The following PRKAR1B variants were observed in gnomAD, a reference collection of about 807,000 sequenced individuals.
PRKAR1B encodes cAMP-dependent protein kinase type I-beta regulatory subunit.
Under a neutral mutation model 46.5 loss-of-function variants are expected in PRKAR1B, and 22 were observed. That is an observed-to-expected ratio of 0.47 (90% CI 0.34 to 0.68). PRKAR1B has a LOEUF of 0.68. Ranked by LOEUF, PRKAR1B falls within the 30% of genes least tolerant of loss-of-function variation. The pLI is 0.01. For synonymous variants in PRKAR1B, 259 were observed against 217.7 expected (o/e 1.19, Z -1.67); for missense variants, 445 against 535.6 (o/e 0.83, Z 1.67).
intron 4 of PRKAR1B, among the ~76,000 whole-genome samples, chr7:649,167 A>ATAAATAAATAAG (rs1562588333): frequency 2.6e-5 from 4 of 152,210 alleles, no homozygotes; most frequent in Non-Finnish European, 5.9e-5. Context: ...CCGTCTCAAA[A>ATAAATAAATAAG]TAAATAAATA....
At chr7:718,228 G>T (rs1026347891) in intron 1 of PRKAR1B, among the ~76,000 whole-genome samples, 1 of 149,570 alleles carries the variant, frequency 6.7e-6, no homozygotes, top group Non-Finnish European at 1.5e-5. Context: ...GCCGGCCCCA[G>T]GCCTTCACTG....
chr7:603,836 T>G (rs1471048150), intron 6 of PRKAR1B, among the ~76,000 whole-genome samples: 49 of 67,606 alleles, frequency 7.2e-4, no homozygotes, highest in Admixed American at 1.4e-3. Flanking sequence ...GGGGAGGAGG[T>G]GACATGGTGA....
Position 637,270 on chromosome 7 carries a change from T to A in PRKAR1B, c.441-29818A>T, listed in dbSNP as rs565803201. On this transcript the variant is annotated intron_variant, in intron 4 of 10. Coordinates refer to ENST00000537384, the MANE Select transcript of PRKAR1B (RefSeq NM_001164760.2). ...CCGTCTCTAACTAAAAATACAAAAATTAGCTGGGCATGGTGGCGCACCTGT... is the reference window on the plus strand; with the variant it reads ...CCGTCTCTAACTAAAAATACAAAAAATAGCTGGGCATGGTGGCGCACCTGT... 1.3e-4 allele frequency among the ~76,000 whole-genome samples: 19 copies of A among 151,718 alleles called. 1 individual carries two copies. In the South Asian group the frequency reaches 4.0e-3, roughly 32 times the overall value.
intron 4 of PRKAR1B, among the ~76,000 whole-genome samples, chr7:674,430 G>A (rs1025073297): frequency 2.7e-5 from 4 of 150,596 alleles, no homozygotes; most frequent in Middle Eastern, 3.2e-3. Flanking sequence ...AGCTACTCTA[G>A]CCACACCCAG....
chr7:584,018 C>T (rs1299366362), intron 8 of PRKAR1B, among the ~76,000 whole-genome samples: 2 of 152,194 alleles, frequency 1.3e-5, no homozygotes, highest in Admixed American at 6.5e-5. Flanking sequence ...CCCAGCCTGC[C>T]GTTATCCTTC....
intron 4 of PRKAR1B, among the ~76,000 whole-genome samples, chr7:618,425 A>G (rs1297283437): frequency 6.6e-6 from 1 of 152,164 alleles, no homozygotes; most frequent in African/African-American, 2.4e-5. Context: ...GGCAATTGCT[A>G]TAAGATACTT....
At chr7:690,660 C>T (rs1357613531) in intron 2 of PRKAR1B, among the ~76,000 whole-genome samples, 1 of 152,142 alleles carries the variant, frequency 6.6e-6, no homozygotes, top group Admixed American at 6.5e-5. Flanking sequence ...ATAAATACCA[C>T]TAAAACCACC....
intron 4 of PRKAR1B, among the ~76,000 whole-genome samples, chr7:675,044 C>T (rs1786499461): frequency 6.6e-6 from 1 of 152,224 alleles, no homozygotes; most frequent in Non-Finnish European, 1.5e-5. Context: ...ACAGGCCAAT[C>T]TCTGACCCAG....
At chr7:619,665 C>T (rs997749860) in intron 4 of PRKAR1B, among the ~76,000 whole-genome samples, 22 of 152,374 alleles carry the variant, frequency 1.4e-4, no homozygotes, top group African/African-American at 3.6e-4. Context: ...CTCGGCCCCA[C>T]GCCATTGTTC....
At chr7:591,702 G>A (rs1226505244) in intron 7 of PRKAR1B, among the ~76,000 whole-genome samples, 4 of 152,124 alleles carry the variant, frequency 2.6e-5, no homozygotes, top group African/African-American at 9.7e-5. Flanking sequence ...GAAAAAAAAA[G>A]GAAAAGAAAA....
intron 2 of PRKAR1B, among the ~76,000 whole-genome samples, chr7:690,900 G>A (rs559575174): frequency 2.6e-4 from 40 of 152,380 alleles, no homozygotes; most frequent in Middle Eastern, 3.4e-3. Flanking sequence ...GGGCCTGGCG[G>A]CTGGTGTCTC....
intron 5 of PRKAR1B, among the ~76,000 whole-genome samples, chr7:606,654 G>C (rs1230651234): frequency 6.6e-6 from 1 of 151,850 alleles, no homozygotes; most frequent in African/African-American, 2.4e-5. Flanking sequence ...CACCATGTTG[G>C]CCAGGCTGGT....
intron 6 of PRKAR1B, 51 bp downstream of exon 6, chr7:606,142 C>A (rs982425203): frequency 1.3e-6 from 2 of 1,585,710 alleles, no homozygotes; most frequent in Non-Finnish European, 8.7e-7. Flanking sequence ...AGTCTTCACA[C>A]CGGACATGCA....
Position 714,069 on chromosome 7 carries a change from G to T in PRKAR1B, c.-22-2542C>A, listed in dbSNP as rs534926105. Reference sequence around the variant, plus strand: ...CCAGCAGTACCATCACGTGCTCCCCGCGGCCCCTCCACTCCCTCCTCCTCC... The same window carrying T: ...CCAGCAGTACCATCACGTGCTCCCCTCGGCCCCTCCACTCCCTCCTCCTCC... On this transcript the variant is annotated intron_variant, in intron 1 of 10. Transcript: ENST00000537384. The surrounding 1 kb of genome is among the most constrained non-coding windows in gnomAD (Gnocchi z 4.3). 1.3e-5 allele frequency among the ~76,000 whole-genome samples: 2 copies of T among 152,204 alleles called. No individual in the cohort carries two copies. The highest frequency in any genetic ancestry group is 4.8e-5 in the African/African-American group (2 of 41,530).
intron 9 of PRKAR1B, chr7:578,795 C>T: frequency 4.2e-6 from 1 of 238,028 alleles, no homozygotes; most frequent in South Asian, 4.8e-5. Flanking sequence ...GATTCTCCTG[C>T]TTCAGCCTCC....
At chr7:657,503 G>A (rs563118418) in intron 4 of PRKAR1B, among the ~76,000 whole-genome samples, 3 of 152,306 alleles carry the variant, frequency 2.0e-5, no homozygotes, top group South Asian at 2.1e-4. Context: ...AGAGGACTTC[G>A]TGTCTCTGGT....
At chr7:579,203 G>A in intron 9 of PRKAR1B, 53 bp downstream of exon 9, 1 of 1,612,824 alleles carries the variant, frequency 6.2e-7, no homozygotes, top group Non-Finnish European at 8.5e-7. Flanking sequence ...AAGGTAAGAA[G>A]TGCCCCTGCC....
intron 4 of PRKAR1B, among the ~76,000 whole-genome samples, chr7:608,713 C>T (rs1416439024): frequency 1.5e-4 from 18 of 117,758 alleles, no homozygotes; most frequent in Admixed American, 1.6e-4. Context: ...CCACCGTCCT[C>T]CCACCTGGGG....
At chr7:683,360 A>T (rs1778809160) in intron 2 of PRKAR1B, among the ~76,000 whole-genome samples, 1 of 152,170 alleles carries the variant, frequency 6.6e-6, no homozygotes, top group South Asian at 2.1e-4. Context: ...TATTGAACCC[A>T]AGGATTTCTG....
Sources: gnomAD v4.1 joint callset for allele counts (sites outside exome capture counted in the v4.1 genomes callset) on GRCh38, gnomAD v4.1.1 for gene constraint, Gnocchi (gnomAD v3.1) non-coding constraint, MANE v1.5 for transcripts, NCBI Gene and HGNC (gene_info 2026-07-23, HGNC 2026-07-21) for gene names.